FCER1G: variants seen among roughly 807,000 people sequenced by gnomAD.
The protein encoded by FCER1G is Fc epsilon receptor Ig.
In FCER1G, 7 loss-of-function variants were observed where a neutral mutation model predicts 17.3. The ratio of observed to expected loss-of-function variants is 0.40; its 90% CI spans 0.23 to 0.76. The LOEUF (loss-of-function observed/expected upper bound fraction) is 0.76. Ranked by LOEUF, FCER1G falls within the 30% of genes least tolerant of loss-of-function variation. The probability of loss-of-function intolerance (pLI) is 0.35; values close to 1 mark genes in which losing one functional copy is unlikely to be tolerated. For synonymous variants in FCER1G, 35 were observed against 38.7 expected (o/e 0.90, Z 0.35); for missense variants, 87 against 97.7 (o/e 0.89, Z 0.46).
Position 161,218,928 on chromosome 1 carries a change from G to T in FCER1G, c.246G>T (p.Glu82Asp), listed in dbSNP as rs780351889. The T allele has an allele frequency of 6.2e-7, 1 of 1,613,606 alleles. No homozygotes were observed. Among genetic ancestry groups the T allele is most frequent in the South Asian group, 1.1e-5 (1 of 91,074 alleles). ...AGACTTACGAGACTCTGAAGCATGA[G>T]AAACCACCACAGTAGCTTTAGAATA... The part of the protein sequence containing the change: ...NQETYETLKH[E>D]KPPQ The change falls in exon 5 of 5, where the codon GAG becomes GAT. Residue 82 changes from glutamate to aspartate, a missense_variant. Transcript: ENST00000289902.
At chr1:161,218,356 CT>C in intron 3 of FCER1G, 80 bp downstream of exon 3, 1 of 1,235,710 alleles carries the variant, frequency 8.1e-7, no homozygotes, top group Non-Finnish European at 1.2e-6. Context: ...GTTTCCGGGC[CT>C]CTGGGAGGGC....
chr1:161,215,415 G>T, intron 1 of FCER1G, 45 bp downstream of exon 1: 1 of 1,571,414 alleles, frequency 6.4e-7, no homozygotes, highest in South Asian at 1.1e-5. Context: ...CTCCAGGGTG[G>T]AAGTCCAGAG....
At chr1:161,215,452 C>A in intron 1 of FCER1G, 82 bp downstream of exon 1, 1 of 1,258,308 alleles carries the variant, frequency 7.9e-7, no homozygotes, top group Non-Finnish European at 1.2e-6. Context: ...AAGTCAAACA[C>A]AGGTGAAGGA....
At chr1:161,217,940 T>A (rs753908795) in intron 1 of FCER1G, 46 bp from the exon 2 acceptor site, 1 of 1,299,430 alleles carries the variant, frequency 7.7e-7, no homozygotes, top group South Asian at 1.2e-5. Flanking sequence ...GAGTACCAGA[T>A]CCTCCCTGAT....
intron 1 of FCER1G, among the ~76,000 whole-genome samples, chr1:161,217,272 G>A (rs1666070436): frequency 6.6e-6 from 1 of 151,968 alleles, no homozygotes; most frequent in South Asian, 2.1e-4. Context: ...GAGACCCAGA[G>A]AGTGAGTAAT....
At chr1:161,217,178 C>G (rs907143629) in intron 1 of FCER1G, among the ~76,000 whole-genome samples, 7 of 152,156 alleles carry the variant, frequency 4.6e-5, no homozygotes, top group African/African-American at 1.7e-4. Context: ...ATGTTCCCTA[C>G]TGGTCCTCTG....
rs1214503437 is a variant in FCER1G at position 161,215,311 on chromosome 1, T to G, written c.-11T>G. On this transcript the variant is annotated 5_prime_UTR_variant, in exon 1 of 5. Transcript: ENST00000289902. ...CACAGTGCTGTCAGAACGGCCGATC[T>G]CCAGCCCAAGATGATTCCAGCAGTG... is the stretch of plus-strand genomic sequence containing the variant. 7 of 1,613,484 alleles carry G rather than the reference T, an allele frequency of 4.3e-6. No homozygotes were observed. Among genetic ancestry groups the G allele is most frequent in the Non-Finnish European group, 5.1e-6 (6 of 1,179,654 alleles).
rs1462237990 is a variant in FCER1G, at chr1:161,216,433, G to T, written c.49+1063G>T. Among the ~76,000 whole-genome samples the T allele has an allele frequency of 6.3e-4, 95 of 150,076 alleles. 1 individual carries two copies. The highest frequency in any genetic ancestry group is 3.4e-3 in the Middle Eastern group (1 of 290). On this transcript the variant is annotated intron_variant, in intron 1 of 4. Coordinates refer to ENST00000289902, the MANE Select transcript of FCER1G (RefSeq NM_004106.2). ...ACACATATATATATATATATAGAGA[G>T]AGAGAGAGAGAGAGAGATAACCCTT...
intron 3 of FCER1G, 43 bp downstream of exon 3, chr1:161,218,319 C>G: frequency 6.5e-7 from 1 of 1,547,688 alleles, no homozygotes; most frequent in Non-Finnish European, 8.9e-7. Context: ...TTTTCAGACC[C>G]TCAGCCCTCC....
intron 1 of FCER1G, among the ~76,000 whole-genome samples, chr1:161,216,228 CTTGAACCCAGGAGGTGGAGGTTGCAGTG>C (rs1426163937): frequency 6.6e-6 from 1 of 151,504 alleles, no homozygotes; most frequent in Non-Finnish European, 1.5e-5. Flanking sequence ...AGGAGAATCA[CTTGAACCCAGGAGGTGGAGGTTGCAGTG>C]AGCCAAGATC....
intron 1 of FCER1G, 25 bp from the exon 2 acceptor site, chr1:161,217,961 C>T: frequency 6.5e-7 from 1 of 1,532,130 alleles, no homozygotes; most frequent in East Asian, 2.2e-5. Context: ...ACCCCCGACC[C>T]CATGGGCATC....
chr1:161,215,929 T>G (rs1194167320), intron 1 of FCER1G, among the ~76,000 whole-genome samples: 1 of 152,042 alleles, frequency 6.6e-6, no homozygotes, highest in Non-Finnish European at 1.5e-5. Context: ...CTTACTATGT[T>G]GGCCACATCG....
Position 161,218,028 on chromosome 1 carries a change from T to C in FCER1G, c.92T>C (p.Ile31Thr). The C allele has an allele frequency of 3.7e-6, 6 of 1,614,014 alleles. No individual in the cohort carries two copies. The highest frequency in any genetic ancestry group is 5.1e-6 in the Non-Finnish European group (6 of 1,179,970). ...EPQLCYILDAILFLYGIVLTL... is the reference protein window; with the variant it reads ...EPQLCYILDATLFLYGIVLTL... ...CAGCTCTGCTATATCCTGGATGCCA[T>C]CCTGTTTCTGTATGGAATTGTCCTC... is the stretch of plus-strand genomic sequence containing the variant. Residue 31 changes from isoleucine to threonine, a missense_variant, in exon 2 of 5, where the codon ATC (isoleucine) becomes ACC (threonine). Coordinates refer to ENST00000289902, the MANE Select transcript of FCER1G (RefSeq NM_004106.2).
intron 2 of FCER1G, 31 bp downstream of exon 2, chr1:161,218,108 G>A: frequency 6.3e-7 from 1 of 1,575,186 alleles, no homozygotes; most frequent in Non-Finnish European, 8.7e-7. Flanking sequence ...GTAAGGGCTG[G>A]AAGGGGAAGT....
chr1:161,218,568 A>G, intron 3 of FCER1G, 135 bp from the exon 4 acceptor site: 1 of 842,958 alleles, frequency 1.2e-6, no homozygotes, highest in Non-Finnish European at 2.1e-6. Flanking sequence ...TCCATGTCCC[A>G]GAGTGTCCAT....
chr1:161,218,807 G>C (rs1666104237), intron 4 of FCER1G, 74 bp from the exon 5 acceptor site: 3 of 1,576,832 alleles, frequency 1.9e-6, no homozygotes, highest in African/African-American at 2.7e-5. Flanking sequence ...GGTGGGGGGA[G>C]GGGGGTCCTG....
At chr1:161,217,345 G>A (rs1666072024) in intron 1 of FCER1G, among the ~76,000 whole-genome samples, 1 of 151,718 alleles carries the variant, frequency 6.6e-6, no homozygotes, top group Non-Finnish European at 1.5e-5. Flanking sequence ...CTTGTGTTCA[G>A]GGCCAAAGGT....
chr1:161,218,732 G>A lies in FCER1G; in HGVS notation c.198+9G>A, dbSNP rs771188761. The A allele has an allele frequency of 1.9e-6, 3 of 1,613,722 alleles. No individual in the cohort carries two copies. The East Asian group carries it at 6.7e-5, about 36-fold the overall frequency. Reference sequence around the variant, plus strand: ...CAGATGGTGTTTACACGGTAAGTGTGCCTACCTCCCCCACCCAGGAAGTCA... The same window carrying A: ...CAGATGGTGTTTACACGGTAAGTGTACCTACCTCCCCCACCCAGGAAGTCA... On this transcript the variant is annotated intron_variant, in intron 4 of 4. Coordinates refer to ENST00000289902, the MANE Select transcript of FCER1G (RefSeq NM_004106.2).
chr1:161,215,390 G>C lies in FCER1G; in HGVS notation c.49+20G>C. The stretch of plus-strand genomic sequence containing the variant: ...AAGCAGGTAAGAGGGTTTGGTGAGG[G>C]ATAGCGTGAGCTGGCTCCAGGGTGG... On this transcript the variant is annotated intron_variant, in intron 1 of 4. Transcript: ENST00000289902. 1 of 1,610,406 alleles carries C rather than the reference G, an allele frequency of 6.2e-7. No individual in the cohort carries two copies. The highest frequency in any genetic ancestry group is 2.2e-5 in the East Asian group (1 of 44,814).
Sources: gnomAD v4.1 joint callset for allele counts (sites outside exome capture counted in the v4.1 genomes callset) on GRCh38, gnomAD v4.1.1 for gene constraint, MANE v1.5 for transcripts, NCBI Gene and HGNC (gene_info 2026-07-23, HGNC 2026-07-21) for gene names.